The following ARL13B variants were observed in gnomAD, a reference collection of about 807,000 sequenced individuals.
The protein encoded by ARL13B is ARF like GTPase 13B, also known as ADP-ribosylation factor-like protein 13B.
A neutral mutation model predicts 56.1 loss-of-function variants in ARL13B; 36 were observed. That is an observed-to-expected ratio of 0.64 (90% CI 0.49 to 0.85). The LOEUF is 0.85. ARL13B is among the 40% of genes least tolerant of loss of function. ARL13B has a pLI of 0.00. For missense variants in ARL13B, 519 were observed against 507.1 expected, an observed-to-expected ratio of 1.02 and a Z score of -0.23; for synonymous variants, 178 against 171.1, an observed-to-expected ratio of 1.04 and a Z score of -0.32.
At chr3:94,038,515 CTTTTTTTTTT>C (rs761909057) in intron 5 of ARL13B, among the ~76,000 whole-genome samples, 3 of 54,468 alleles carry the variant, frequency 5.5e-5, no homozygotes, top group African/African-American at 8.6e-5. Context: ...TCTGGCTGCT[CTTTTTTTTTT>C]TTTTTTTTTT....
chr3:94,035,023 G>T (rs2076741801), intron 3 of ARL13B, among the ~76,000 whole-genome samples: 1 of 152,056 alleles, frequency 6.6e-6, no homozygotes, highest in Admixed American at 6.6e-5. Context: ...ATCACTTGAG[G>T]TCAGGAGTTC....
chr3:94,038,800 C>T (rs1015133810), intron 5 of ARL13B, among the ~76,000 whole-genome samples: 4 of 152,070 alleles, frequency 2.6e-5, no homozygotes, highest in East Asian at 1.9e-4. Flanking sequence ...GGATTACAGG[C>T]GTGAGCCACC....
chr3:94,007,873 G>C (rs541562779), intron 3 of ARL13B, among the ~76,000 whole-genome samples: 111 of 152,284 alleles, frequency 7.3e-4, no homozygotes, highest in African/African-American at 2.6e-3. Flanking sequence ...TTTGGCAGTT[G>C]TATAGCATTT....
intron 3 of ARL13B, among the ~76,000 whole-genome samples, chr3:94,030,799 A>C (rs2076663554): frequency 6.6e-6 from 1 of 152,230 alleles, no homozygotes; most frequent in East Asian, 1.9e-4. Flanking sequence ...TGATATTATT[A>C]TGTTAAAATT....
intron 7 of ARL13B, 88 bp from the exon 8 acceptor site, chr3:94,049,318 A>G (rs1423735752): frequency 6.9e-6 from 5 of 728,062 alleles, no homozygotes; most frequent in South Asian, 1.9e-5. Flanking sequence ...TGTTAATAAT[A>G]TCAGTATTCT....
chr3:94,015,219 G>C, intron 3 of ARL13B: 1 of 1,595,428 alleles, frequency 6.3e-7, no homozygotes, highest in Non-Finnish European at 8.5e-7. Context: ...TGTCTCTAGA[G>C]AGTTCAATTT....
At chr3:94,023,839 C>G (rs1270034603) in intron 3 of ARL13B, among the ~76,000 whole-genome samples, 6 of 151,934 alleles carry the variant, frequency 3.9e-5, no homozygotes, top group African/African-American at 7.3e-5. Context: ...AAAAATTTAG[C>G]AGGAGATAAT....
At chr3:94,015,520 G>A (rs2076314334) in intron 3 of ARL13B, among the ~76,000 whole-genome samples, 1 of 152,140 alleles carries the variant, frequency 6.6e-6, no homozygotes, top group Non-Finnish European at 1.5e-5. Flanking sequence ...GTGTGCAATA[G>A]CTGAGAAAGC....
At chr3:94,034,567 T>A (rs2076734863) in intron 3 of ARL13B, among the ~76,000 whole-genome samples, 1 of 152,024 alleles carries the variant, frequency 6.6e-6, no homozygotes, top group Admixed American at 6.6e-5. Flanking sequence ...GCCTTGGGTC[T>A]TCAGTAAATT....
At chr3:93,995,752 A>G (rs889085352) in intron 1 of ARL13B, 122 bp from the exon 2 acceptor site, 1 of 852,518 alleles carries the variant, frequency 1.2e-6, no homozygotes, top group Non-Finnish European at 1.9e-6. Context: ...CTAGCATCCA[A>G]CAGATTTTCT....
Position 94,044,798 on chromosome 3 carries a change from G to A in ARL13B, c.1024+1558G>A, listed in dbSNP as rs372297564. Among the ~76,000 whole-genome samples the A allele has an allele frequency of 1.8e-3, 255 of 143,172 alleles. 3 individuals carry two copies. The East Asian group carries it at 0.043, about 24-fold the overall frequency. 93.9% of individuals were successfully genotyped at this position (143,172 alleles called of 152,430 possible). On this transcript the variant is annotated intron_variant, in intron 7 of 9. Coordinates refer to ENST00000394222, the MANE Select transcript of ARL13B (RefSeq NM_001174150.2). ...TGGGAAGTGAGGAGCGCCTCTGCCCGGCCGCGCCGTCTGGGAAGTGGGGAG... is the reference window on the plus strand; with the variant it reads ...TGGGAAGTGAGGAGCGCCTCTGCCCAGCCGCGCCGTCTGGGAAGTGGGGAG...
At chr3:94,044,968 C>T (rs546545658) in intron 7 of ARL13B, among the ~76,000 whole-genome samples, 19 of 152,224 alleles carry the variant, frequency 1.2e-4, no homozygotes, top group South Asian at 4.2e-4. Context: ...CCATCAAGAA[C>T]GGGCCATGAT....
chr3:94,011,491 A>T (rs1033985171), intron 3 of ARL13B, among the ~76,000 whole-genome samples: 2 of 152,166 alleles, frequency 1.3e-5, no homozygotes, highest in African/African-American at 4.8e-5. Flanking sequence ...TTAAGGAAAT[A>T]GAAACCATCG....
At chr3:94,047,295 T>C (rs531585753) in intron 7 of ARL13B, among the ~76,000 whole-genome samples, 1 of 152,326 alleles carries the variant, frequency 6.6e-6, no homozygotes, top group South Asian at 2.1e-4. Context: ...TTGAAAGTTA[T>C]ACTTTTTGTC....
At position 94,054,583 on chromosome 3, in the gene ARL13B, G is replaced by C; in HGVS notation, c.*1320G>C. On this transcript the variant is annotated 3_prime_UTR_variant, in exon 10 of 10. Coordinates refer to ENST00000394222, the MANE Select transcript of ARL13B (RefSeq NM_001174150.2). ...TAACTTGTACTGACACAACAGACATGTGCTAGTATCTGATAACATTAAGTA... is the reference window on the plus strand; with the variant it reads ...TAACTTGTACTGACACAACAGACATCTGCTAGTATCTGATAACATTAAGTA... 1 of 396,264 alleles carries C rather than the reference G, an allele frequency of 2.5e-6. No homozygotes were observed. Among genetic ancestry groups the C allele is most frequent in the Non-Finnish European group, 4.9e-6 (1 of 204,250 alleles). 24.5% of individuals were successfully genotyped at this position (396,264 alleles called of 1,614,324 possible). A position where few individuals can be genotyped will look rare whatever the true frequency, so the allele number is the denominator to read the frequency against.
chr3:94,054,127 A>T lies in ARL13B; in HGVS notation c.*864A>T. 2 of 453,100 alleles carry T rather than the reference A, an allele frequency of 4.4e-6. No homozygotes were observed. Among genetic ancestry groups the T allele is most frequent in the Non-Finnish European group, 8.8e-6 (2 of 226,108 alleles). The allele number at this position is 453,100 out of a possible 1,614,324, so 28.1% of individuals were successfully genotyped here. A position where few individuals can be genotyped will look rare whatever the true frequency, so the allele number is the denominator to read the frequency against. On this transcript the variant is annotated 3_prime_UTR_variant, in exon 10 of 10. Transcript: ENST00000394222. ...ACTTTCAGAGATCAAGGTGCTCCCT[A>T]TACTCCCTTGTTCCATCAGAAGCTG...
chr3:94,009,081 A>ATAGATAGC (rs2076180335), intron 3 of ARL13B, among the ~76,000 whole-genome samples: 1 of 127,832 alleles, frequency 7.8e-6, no homozygotes, highest in African/African-American at 2.6e-5. Context: ...GTAAAGATAG[A>ATAGATAGC]TAGATAGATA....
intron 5 of ARL13B, 21 bp from the exon 6 acceptor site, chr3:94,039,859 T>A: frequency 6.2e-7 from 1 of 1,609,284 alleles, no homozygotes; most frequent in Non-Finnish European, 8.5e-7. Flanking sequence ...GAAATTTCAA[T>A]TATTTTTCCT....
chr3:94,015,224 C>A (rs202204043), intron 3 of ARL13B: 3 of 1,589,486 alleles, frequency 1.9e-6, no homozygotes, highest in African/African-American at 1.4e-5. Flanking sequence ...CTAGAGAGTT[C>A]AATTTCCTTT....
Sources: allele counts gnomAD v4.1 joint callset (sites outside exome capture counted in the v4.1 genomes callset), GRCh38; gene constraint gnomAD v4.1.1; transcripts MANE v1.5; gene names NCBI Gene and HGNC (gene_info 2026-07-23, HGNC 2026-07-21).